Variants in NSUN2 observed in about 807,000 individuals in gnomAD.
NSUN2 encodes the protein NOP2/Sun RNA methyltransferase 2.
A neutral mutation model predicts 92.7 loss-of-function variants in NSUN2; 63 were observed. The observed-to-expected ratio is 0.68, with a 90% CI of 0.56 to 0.84. The LOEUF (loss-of-function observed/expected upper bound fraction) is 0.84, where lower values mean the gene tolerates loss of function less well. Among genes scored for constraint, NSUN2 ranks in the 40% least tolerant of loss-of-function variants. The pLI, the probability that NSUN2 is intolerant of heterozygous loss-of-function variation, is 0.00. For missense variants in NSUN2, 989 were observed against 964.9 expected (o/e 1.02, Z -0.33); for synonymous variants, 356 against 348.3 (o/e 1.02, Z -0.25).
chr5:6,601,838 T>C (rs1358972934), intron 18 of NSUN2, among the ~76,000 whole-genome samples: 1 of 152,146 alleles, frequency 6.6e-6, no homozygotes, highest in Non-Finnish European at 1.5e-5. Flanking sequence ...GACGGAGCTG[T>C]TGCAGGTGAG....
rs1377217303 is a variant in NSUN2, at chr5:6,617,951, C to G, written c.889G>C (p.Gly297Arg). ...WTTLNSLQLH[G>R]LQLRIATRGA... is the part of the protein sequence containing the mutation. ...TAGCAGTGATGAAGTTTTACTTACC[C>G]ATGTAGCTGCAAGCTATTTAAGGTG... The change falls in exon 8 of 19, where the codon GGC (glycine) becomes CGC (arginine). Residue 297 changes from glycine (G) to arginine (R), a missense_variant and splice_region_variant. By Grantham distance (125) the Gly-to-Arg change is moderately radical. Around this residue, in one of 3 missense-constraint regions of NSUN2, gnomAD observed 626 missense variants for 602.3 expected, o/e 1.04. Transcript: ENST00000264670. 6.2e-7 allele frequency: 1 copy of G among 1,611,718 alleles called. No individual in the cohort carries two copies. Among genetic ancestry groups the G allele is most frequent in the South Asian group, 1.1e-5 (1 of 91,006 alleles).
At position 6,623,242 on chromosome 5, in the gene NSUN2, A is replaced by G. The variant is rs1737529660; in HGVS notation, c.509T>C (p.Leu170Pro). The change falls in exon 5 of 19, where the codon CTG (leucine) becomes CCG (proline). Residue 170 changes from leucine to proline, a missense_variant. Leu to Pro is a moderately conservative substitution (Grantham distance 98, BLOSUM62 -3). Transcript: ENST00000264670. ...ATGATGAGGCCGCACGTTGAGGAGC[A>G]GTGGTGGGATCATGCTAACAGCTTC... Reference protein sequence around the residue: ...RQEAVSMIPPLLLNVRPHHKI... With the variant: ...RQEAVSMIPPPLLNVRPHHKI... 1 of 1,601,030 alleles carries G rather than the reference A, an allele frequency of 6.2e-7. No homozygotes were observed. The highest frequency in any genetic ancestry group is 1.4e-5 in the African/African-American group (1 of 73,800).
At chr5:6,618,464 T>G (rs767456069) in intron 7 of NSUN2, among the ~76,000 whole-genome samples, 10 of 152,206 alleles carry the variant, frequency 6.6e-5, no homozygotes, top group Non-Finnish European at 1.3e-4. Context: ...AAATTTTTCC[T>G]ACAATCACAG....
In NSUN2 at chr5:6,633,003, C is replaced by T. The variant is rs1245815314; in HGVS notation, c.-24G>A. 12 of 1,425,908 alleles carry T rather than the reference C, an allele frequency of 8.4e-6. No individual in the cohort carries two copies. Among genetic ancestry groups the T allele is most frequent in the Middle Eastern group, 2.5e-4 (1 of 3,926 alleles). 88.3% of individuals were successfully genotyped at this position (1,425,908 alleles called of 1,614,324 possible). ...ATAGCCCACGCGGCCGCGCACGCAG[C>T]ACGCAGAAACCGGCCCGCCACGGCC... On this transcript the variant is annotated 5_prime_UTR_variant, in exon 1 of 19. Transcript: ENST00000264670.
At chr5:6,604,466 C>A in intron 16 of NSUN2, 139 bp downstream of exon 16, 2 of 941,410 alleles carry the variant, frequency 2.1e-6, no homozygotes, top group Non-Finnish European at 1.7e-6. Flanking sequence ...AGCTCTATAA[C>A]CTGTGAGGGT....
In NSUN2 at chr5:6,627,873, A is replaced by C. The variant is rs529915794; in HGVS notation, c.360-2204T>G. Among the ~76,000 whole-genome samples, 10 of 152,344 alleles carry C rather than the reference A, an allele frequency of 6.6e-5. 1 individual carries two copies. The South Asian group carries it at 2.1e-3, about 32-fold the overall frequency. Reference sequence around the variant, plus strand: ...TCAAACAAAATGAGAGGTATATTTAATTTTTAGTTACTTACTTCAAATTTA... The same window carrying C: ...TCAAACAAAATGAGAGGTATATTTACTTTTTAGTTACTTACTTCAAATTTA... On this transcript the variant is annotated intron_variant, in intron 3 of 18. Coordinates refer to ENST00000264670, the MANE Select transcript of NSUN2 (RefSeq NM_017755.6).
Position 6,607,239 on chromosome 5 carries a change from T to G in NSUN2, c.1469A>C (p.Asp490Ala). Residue 490 changes from aspartate (D) to alanine (A), a missense_variant, in exon 13 of 19, where the codon GAT (aspartate) becomes GCT (alanine). By Grantham distance (126) the Asp-to-Ala change is moderately radical. Coordinates refer to ENST00000264670, the MANE Select transcript of NSUN2 (RefSeq NM_017755.6). ...GDTEIAHATE[D>A]LENNGSKKDG... ...TTTCTTACTGCCATTATTCTCTAAA[T>G]CCTCAGTTGCATGAGCTATTTCTGT... 6.2e-7 allele frequency: 1 copy of G among 1,614,222 alleles called. No individual in the cohort carries two copies. The highest frequency in any genetic ancestry group is 8.5e-7 in the Non-Finnish European group (1 of 1,180,040).
chr5:6,616,930 T>C (rs1244553573), intron 8 of NSUN2, 73 bp from the exon 9 acceptor site: 3 of 1,334,056 alleles, frequency 2.2e-6, no homozygotes, highest in East Asian at 2.4e-5. Context: ...CACCTCCTTA[T>C]GTCACATATT....
chr5:6,628,641 C>G (rs1737750670), intron 3 of NSUN2, among the ~76,000 whole-genome samples: 1 of 152,206 alleles, frequency 6.6e-6, no homozygotes, highest in Admixed American at 6.5e-5. Context: ...CAGAAAATTA[C>G]CAGAAGTCCT....
chr5:6,604,145 C>T lies in NSUN2; in HGVS notation c.1950G>A (p.Lys650=), dbSNP rs760188590. 4 of 1,613,092 alleles carry T rather than the reference C, an allele frequency of 2.5e-6. No individual in the cohort carries two copies. In the Admixed American group the frequency reaches 5.0e-5, roughly 20 times the overall value. The change falls in exon 17 of 19, where the codon AAG becomes AAA. Residue 650 remains lysine (K), a synonymous_variant. Coordinates refer to ENST00000264670, the MANE Select transcript of NSUN2 (RefSeq NM_017755.6). ...KLSSETYSQA[K]DLAKGSIVLK... The stretch of plus-strand genomic sequence containing the variant: ...GCATTTCCAACTACTCACCCAGGTC[C>T]TTTGCTTGACTGTAGGTCTCACTGC...
rs1736664520 is a variant in NSUN2, at chr5:6,604,177, T to TTC, written c.1916_1917dup (p.Lys640GlufsTer21). 6.2e-7 allele frequency: 1 copy of TTC among 1,613,958 alleles called. No individual in the cohort carries two copies. Among genetic ancestry groups the TTC allele is most frequent in the Non-Finnish European group, 8.5e-7 (1 of 1,179,990 alleles). Reference sequence around the variant, plus strand: ...TGACTGTAGGTCTCACTGCTGAGTTTTCTAAAAAAGGGATTTTCCTGGGTC... The same window carrying TTC: ...TGACTGTAGGTCTCACTGCTGAGTTTTCTCTAAAAAAGGGATTTTCCTGGGTC... On this transcript the variant is annotated frameshift_variant, in exon 17 of 19. Coordinates refer to ENST00000264670, the MANE Select transcript of NSUN2 (RefSeq NM_017755.6). LOFTEE classifies it high-confidence loss of function.
rs1736668471 is a variant in NSUN2 at position 6,604,233 on chromosome 5, G to A, written c.1862C>T (p.Thr621Ile). ...LYPFINSRII[T>I]VSMEDVKILL... The stretch of plus-strand genomic sequence containing the variant: ...TATCTTAACATCTTCCATTGATACA[G>A]TAATAATTCTTGAGTTAATAAATGG... Residue 621 changes from threonine to isoleucine, a missense_variant, in exon 17 of 19, where the codon ACT becomes ATT. This residue lies in a region of NSUN2 where 626 missense variants were observed against 602.3 expected (regional missense o/e 1.04). Coordinates refer to ENST00000264670, the MANE Select transcript of NSUN2 (RefSeq NM_017755.6). The A allele has an allele frequency of 1.9e-6, 3 of 1,605,356 alleles. No individual in the cohort carries two copies. The highest frequency in any genetic ancestry group is 2.6e-6 in the Non-Finnish European group (3 of 1,172,366).
At position 6,632,011 on chromosome 5, in the gene NSUN2, A is replaced by G. The variant is rs199908996; in HGVS notation, c.255-34T>C. On this transcript the variant is annotated intron_variant, in intron 2 of 18. Coordinates refer to ENST00000264670, the MANE Select transcript of NSUN2 (RefSeq NM_017755.6). The stretch of plus-strand genomic sequence containing the variant: ...AAATAAGGAAGTTTCAAACTGATCT[A>G]AAAAACTAAGTTAATACATTGTATC... The G allele has an allele frequency of 3.4e-4, 509 of 1,509,358 alleles. 7 individuals carry two copies. In the Middle Eastern group the frequency reaches 3.9e-3, roughly 12 times the overall value. The allele number at this position is 1,509,358 out of a possible 1,614,324, so 93.5% of individuals were successfully genotyped here.
intron 8 of NSUN2, among the ~76,000 whole-genome samples, chr5:6,617,372 T>A (rs1173688421): frequency 6.6e-6 from 1 of 152,048 alleles, no homozygotes; most frequent in East Asian, 1.9e-4. Flanking sequence ...ATTTGTCATG[T>A]CAAATGAAAA....
At chr5:6,628,402 A>G (rs768294226) in intron 3 of NSUN2, among the ~76,000 whole-genome samples, 2 of 152,190 alleles carry the variant, frequency 1.3e-5, no homozygotes, top group Non-Finnish European at 2.9e-5. Flanking sequence ...CACTCTGAAC[A>G]ATTGGTTGTC....
intron 3 of NSUN2, among the ~76,000 whole-genome samples, chr5:6,626,775 T>A (rs1006139897): frequency 6.6e-6 from 1 of 152,214 alleles, no homozygotes; most frequent in Non-Finnish European, 1.5e-5. Context: ...CACACGGCCA[T>A]AAATCTTAGT....
chr5:6,612,437 A>G (rs1737036717), intron 9 of NSUN2, among the ~76,000 whole-genome samples: 1 of 152,212 alleles, frequency 6.6e-6, no homozygotes, highest in Admixed American at 6.5e-5. Flanking sequence ...TTTTAAAAAC[A>G]ATGCGATAAG....
chr5:6,627,705 G>C (rs1027025742), intron 3 of NSUN2, among the ~76,000 whole-genome samples: 2 of 152,124 alleles, frequency 1.3e-5, no homozygotes, highest in African/African-American at 4.8e-5. Context: ...TTTCCTCTGG[G>C]TACAGAGAAC....
chr5:6,616,917 A>C, intron 8 of NSUN2, 60 bp from the exon 9 acceptor site: 1 of 1,462,588 alleles, frequency 6.8e-7, no homozygotes, highest in Non-Finnish European at 9.3e-7. Context: ...CACATATTAG[A>C]AGCACCTCCT....
Sources: gnomAD v4.1 joint callset for allele counts (sites outside exome capture counted in the v4.1 genomes callset) on GRCh38, gnomAD v4.1.1 for gene constraint, gnomAD v4.1.1 regional missense constraint, MANE v1.5 for transcripts, NCBI Gene and HGNC (gene_info 2026-07-23, HGNC 2026-07-21) for gene names.